Variants in FSHR observed in about 807,000 individuals in gnomAD.
The protein encoded by FSHR is follicle-stimulating hormone receptor.
A neutral mutation model predicts 52.1 loss-of-function variants in FSHR; 46 were observed. That is an observed-to-expected ratio of 0.88 (90% confidence interval 0.70 to 1.13). The LOEUF (loss-of-function observed/expected upper bound fraction) is 1.13, where lower values mean the gene tolerates loss of function less well. FSHR is among the 50% of genes most tolerant of loss of function. The pLI, the probability that FSHR is intolerant of heterozygous loss-of-function variation, is 0.00. For synonymous variants in FSHR, 399 were observed against 309.6 expected (o/e 1.29, Z -3.03); for missense variants, 964 against 834.6 (o/e 1.16, Z -1.91).
chr2:48,979,428 A>T (rs981368840), intron 8 of FSHR, among the ~76,000 whole-genome samples: 2 of 152,012 alleles, frequency 1.3e-5, no homozygotes, highest in Admixed American at 6.6e-5. Flanking sequence ...GTGATTAAAA[A>T]AAACCACAAA....
intron 2 of FSHR, among the ~76,000 whole-genome samples, chr2:49,033,581 C>T (rs542221625): frequency 8.5e-5 from 13 of 152,234 alleles, no homozygotes; most frequent in African/African-American, 2.6e-4. Flanking sequence ...GGTCTGCAAC[C>T]AAGCTGCCTG....
chr2:49,020,991 G>T (rs916657476), intron 2 of FSHR, among the ~76,000 whole-genome samples: 1 of 152,012 alleles, frequency 6.6e-6, no homozygotes, highest in African/African-American at 2.4e-5. Context: ...ATGCATGCTG[G>T]GCTTAATACC....
chr2:49,053,097 A>G (rs184834187), intron 2 of FSHR, among the ~76,000 whole-genome samples: 56 of 152,220 alleles, frequency 3.7e-4, no homozygotes, highest in African/African-American at 1.3e-3. Flanking sequence ...TCTCATTTCT[A>G]TATGCAAATA....
At chr2:49,122,938 C>G (rs892351236) in intron 1 of FSHR, among the ~76,000 whole-genome samples, 2 of 152,144 alleles carry the variant, frequency 1.3e-5, no homozygotes, top group East Asian at 3.9e-4. Context: ...TGGAGTCTAT[C>G]TGCCTAGCCC....
At chr2:49,127,745 TTC>T (rs1672060723) in intron 1 of FSHR, among the ~76,000 whole-genome samples, 2 of 109,614 alleles carry the variant, frequency 1.8e-5, no homozygotes, top group African/African-American at 6.7e-5. Flanking sequence ...TGATTTCTTC[TTC>T]TTCTTTCTTC....
chr2:49,018,351 A>G (rs995737971), intron 3 of FSHR, among the ~76,000 whole-genome samples: 3 of 152,164 alleles, frequency 2.0e-5, no homozygotes, highest in Admixed American at 6.5e-5. Flanking sequence ...TTGCTGGATC[A>G]ATGTGTATTT....
At chr2:49,045,798 G>A (rs1158118720) in intron 2 of FSHR, among the ~76,000 whole-genome samples, 3 of 152,162 alleles carry the variant, frequency 2.0e-5, no homozygotes, top group South Asian at 4.1e-4. Context: ...AACGCTGAGT[G>A]GGAAGTATGA....
intron 1 of FSHR, among the ~76,000 whole-genome samples, chr2:49,129,952 A>G (rs1336651982): frequency 1.3e-5 from 2 of 152,058 alleles, no homozygotes; most frequent in South Asian, 2.1e-4. Flanking sequence ...AAATTTTTCT[A>G]TTTCTCAATT....
chr2:49,052,408 A>G (rs1178029728), intron 2 of FSHR, among the ~76,000 whole-genome samples: 1 of 152,216 alleles, frequency 6.6e-6, no homozygotes, highest in Non-Finnish European at 1.5e-5. Flanking sequence ...GATTCTGACT[A>G]AACTATCATC....
chr2:49,009,467 T>C, intron 4 of FSHR, among the ~76,000 whole-genome samples: 1 of 147,756 alleles, frequency 6.8e-6, no homozygotes. Flanking sequence ...GTGTGATGCC[T>C]CCAGCTTTGT....
chr2:49,000,056 T>A (rs1676187869), intron 4 of FSHR, among the ~76,000 whole-genome samples: 1 of 152,064 alleles, frequency 6.6e-6, no homozygotes, highest in Non-Finnish European at 1.5e-5. Flanking sequence ...GTGATGTACA[T>A]CAGAAAGTTC....
chr2:48,994,375 A>G (rs1365326271), intron 4 of FSHR, among the ~76,000 whole-genome samples: 3 of 152,206 alleles, frequency 2.0e-5, no homozygotes, highest in African/African-American at 4.8e-5. Flanking sequence ...TGAAATATCT[A>G]TAGATATCTG....
intron 1 of FSHR, among the ~76,000 whole-genome samples, chr2:49,138,027 A>C (rs746397952): frequency 4.6e-5 from 7 of 152,168 alleles, no homozygotes; most frequent in Non-Finnish European, 8.8e-5. Context: ...AATGGGACAA[A>C]AATATTTGTA....
At chr2:49,049,440 T>C (rs939620053) in intron 2 of FSHR, among the ~76,000 whole-genome samples, 7 of 152,020 alleles carry the variant, frequency 4.6e-5, no homozygotes, top group Non-Finnish European at 1.0e-4. Flanking sequence ...CTGGAAGTCT[T>C]AGTTGCTCAA....
chr2:49,007,185 C>T (rs932099975), intron 4 of FSHR, among the ~76,000 whole-genome samples: 1 of 152,186 alleles, frequency 6.6e-6, no homozygotes, highest in East Asian at 1.9e-4. Context: ...CTTTTCCCAC[C>T]ATCATAGAGA....
intron 1 of FSHR, among the ~76,000 whole-genome samples, chr2:49,127,546 A>ACC (rs34370636): frequency 1.7e-4 from 24 of 143,322 alleles, no homozygotes; most frequent in African/African-American, 5.7e-4. Flanking sequence ...ACACACACAC[A>ACC]CCCCATGTAC....
chr2:49,087,755 A>T (rs941595423), intron 1 of FSHR, among the ~76,000 whole-genome samples: 1 of 152,194 alleles, frequency 6.6e-6, no homozygotes, highest in East Asian at 1.9e-4. Context: ...GTGGGAGAGG[A>T]CTAATATATC....
At chr2:48,983,311 G>A in intron 6 of FSHR, 145 bp from the exon 7 acceptor site, 1 of 724,304 alleles carries the variant, frequency 1.4e-6, no homozygotes, top group South Asian at 1.5e-5. Context: ...GGACACGGGT[G>A]GGAGGAAGAC....
At chr2:49,123,481 T>C (rs1477514289) in intron 1 of FSHR, among the ~76,000 whole-genome samples, 1 of 152,140 alleles carries the variant, frequency 6.6e-6, no homozygotes, top group Non-Finnish European at 1.5e-5. Context: ...GGTGAGACCC[T>C]GTCTCAAATT....
Sources: allele counts gnomAD v4.1 joint callset (sites outside exome capture counted in the v4.1 genomes callset), GRCh38; gene constraint gnomAD v4.1.1; transcripts MANE v1.5; gene names NCBI Gene and HGNC (gene_info 2026-07-23, HGNC 2026-07-21).